Variants in MYO5B observed in about 807,000 individuals in gnomAD.
MYO5B encodes myosin VB.
A neutral mutation model predicts 229.3 loss-of-function variants in MYO5B; 143 were observed. The ratio of observed to expected loss-of-function variants is 0.62; its 90% CI spans 0.54 to 0.72. MYO5B has a LOEUF of 0.72. MYO5B is among the 30% of genes least tolerant of loss of function. MYO5B has a pLI of 0.00. For synonymous variants in MYO5B, 918 were observed against 885.2 expected (o/e 1.04, Z -0.66); for missense variants, 2,321 against 2,331.0 (o/e 1.00, Z 0.09).
At chr18:50,046,324 C>T (rs908111895) in intron 2 of MYO5B, among the ~76,000 whole-genome samples, 3 of 152,178 alleles carry the variant, frequency 2.0e-5, no homozygotes, top group Non-Finnish European at 2.9e-5. Context: ...GAAACCTAGG[C>T]TTTGCCTTTT....
intron 5 of MYO5B, among the ~76,000 whole-genome samples, chr18:49,996,328 A>T (rs2025986676): frequency 6.6e-6 from 1 of 152,224 alleles, no homozygotes; most frequent in Non-Finnish European, 1.5e-5. Flanking sequence ...TCTAGGTGTT[A>T]CTTAGAGAAA....
intron 22 of MYO5B, among the ~76,000 whole-genome samples, chr18:49,888,548 T>C (rs895528217): frequency 6.6e-6 from 1 of 152,124 alleles, no homozygotes; most frequent in South Asian, 2.1e-4. Flanking sequence ...GAGTTCTACG[T>C]TGCCAAAACG....
chr18:50,078,481 G>A (rs1349209192), intron 1 of MYO5B, among the ~76,000 whole-genome samples: 2 of 152,074 alleles, frequency 1.3e-5, no homozygotes, highest in East Asian at 3.8e-4. Context: ...TAATGAACAT[G>A]AATTTGTAAA....
At chr18:50,042,874 CCT>C (rs1438185023) in intron 2 of MYO5B, among the ~76,000 whole-genome samples, 1 of 152,118 alleles carries the variant, frequency 6.6e-6, no homozygotes, top group Admixed American at 6.6e-5. Flanking sequence ...CCTGAGTACT[CCT>C]CTTTCAGATT....
At chr18:49,908,878 G>A (rs1462132870) in intron 18 of MYO5B, among the ~76,000 whole-genome samples, 4 of 152,172 alleles carry the variant, frequency 2.6e-5, no homozygotes, top group East Asian at 3.8e-4. Context: ...AAGAATGATA[G>A]GGGCTATTCC....
At chr18:49,880,055 T>C (rs1200498965) in intron 23 of MYO5B, among the ~76,000 whole-genome samples, 6 of 152,192 alleles carry the variant, frequency 3.9e-5, no homozygotes, top group Admixed American at 1.3e-4. Context: ...TATGTCCATG[T>C]AGTAGATGAA....
rs554646031 is a variant in MYO5B, at chr18:49,999,730, A to G, written c.612+1525T>C. Among the ~76,000 whole-genome samples the G allele has an allele frequency of 3.9e-5, 6 of 152,334 alleles. No individual in the cohort carries two copies. The South Asian group carries it at 8.3e-4, about 21-fold the overall frequency. On this transcript the variant is annotated intron_variant, in intron 5 of 39. Coordinates refer to ENST00000285039, the MANE Select transcript of MYO5B (RefSeq NM_001080467.3). ...CAGTGGTTCTCCAAGTGTGGTACCCAGACGGGCAACACCAGCATCACCTAG... is the reference window on the plus strand; with the variant it reads ...CAGTGGTTCTCCAAGTGTGGTACCCGGACGGGCAACACCAGCATCACCTAG...
chr18:49,997,369 C>CTTTTTTTTTTTTTTTTTTTTTTTTTTTT (rs34011258), intron 5 of MYO5B, among the ~76,000 whole-genome samples: 4 of 60,354 alleles, frequency 6.6e-5, no homozygotes, highest in African/African-American at 2.9e-4. Context: ...TCCTTTCTTT[C>CTTTTTTTTTTTTTTTTTTTTTTTTTTTT]TTTTTTTTTT....
chr18:49,899,756 G>A (rs756851416), intron 21 of MYO5B, among the ~76,000 whole-genome samples: 3 of 152,186 alleles, frequency 2.0e-5, no homozygotes, highest in East Asian at 1.9e-4. Flanking sequence ...AGAGCACAGC[G>A]TGCCTAGTCA....
At chr18:49,968,569 T>C (rs185669558) in intron 10 of MYO5B, among the ~76,000 whole-genome samples, 34 of 152,198 alleles carry the variant, frequency 2.2e-4, no homozygotes, top group Non-Finnish European at 3.4e-4. Flanking sequence ...ATCACGGAGG[T>C]TTGGGGAGTT....
intron 1 of MYO5B, among the ~76,000 whole-genome samples, chr18:50,146,164 A>C (rs2032499202): frequency 6.6e-6 from 1 of 152,218 alleles, no homozygotes; most frequent in African/African-American, 2.4e-5. Context: ...AACCCCTAGC[A>C]GGTTGATGGG....
intron 14 of MYO5B, among the ~76,000 whole-genome samples, chr18:49,939,291 G>A (rs923412671): frequency 7.3e-5 from 11 of 151,708 alleles, no homozygotes; most frequent in African/African-American, 2.2e-4. Context: ...GACTGCAGGC[G>A]TGCACTACCA....
At chr18:49,864,962 A>G (rs574150308) in intron 27 of MYO5B, among the ~76,000 whole-genome samples, 2 of 152,300 alleles carry the variant, frequency 1.3e-5, no homozygotes, top group South Asian at 2.1e-4. Flanking sequence ...ATACCTACAT[A>G]CAGAATTGAA....
intron 1 of MYO5B, among the ~76,000 whole-genome samples, chr18:50,114,210 TAAA>T (rs1378619138): frequency 1.3e-5 from 2 of 152,102 alleles, no homozygotes; most frequent in Non-Finnish European, 2.9e-5. Flanking sequence ...AGAAAAAAAT[TAAA>T]AAAGGTGGTA....
intron 9 of MYO5B, among the ~76,000 whole-genome samples, 196 bp downstream of exon 9, chr18:49,980,248 G>A (rs971597707): frequency 5.9e-5 from 9 of 152,088 alleles, no homozygotes; most frequent in Admixed American, 6.5e-5. Context: ...CCCTGTCCTC[G>A]GCAACAGAAA....
At chr18:50,177,986 C>T (rs550642521) in intron 1 of MYO5B, among the ~76,000 whole-genome samples, 145 of 152,328 alleles carry the variant, frequency 9.5e-4, no homozygotes, top group Middle Eastern at 3.4e-3. Flanking sequence ...ATACACTACT[C>T]CTGAATAGCA....
intron 1 of MYO5B, among the ~76,000 whole-genome samples, chr18:50,062,205 C>A (rs551792950): frequency 6.6e-6 from 1 of 152,104 alleles, no homozygotes; most frequent in South Asian, 2.1e-4. Context: ...CAACGATACG[C>A]CAAGTTAAGC....
chr18:50,188,040 C>T (rs2033173297), intron 1 of MYO5B, among the ~76,000 whole-genome samples: 1 of 152,156 alleles, frequency 6.6e-6, no homozygotes, highest in East Asian at 1.9e-4. Context: ...AATAATTGCA[C>T]TATGGTTATA....
rs74633920 is a variant in MYO5B at position 50,182,288 on chromosome 18, A to G, written c.27+12479T>C. Among the ~76,000 whole-genome samples, 534 of 152,318 alleles carry G rather than the reference A, an allele frequency of 3.5e-3. 13 individuals carry two copies. The East Asian group carries it at 0.065, about 19-fold the overall frequency. On this transcript the variant is annotated intron_variant, in intron 1 of 39. Transcript: ENST00000285039. ...GAAAGCCACTGGCTTTGCTACATCTAACAGGACAGGTGGATATCCATACAT... is the reference window on the plus strand; with the variant it reads ...GAAAGCCACTGGCTTTGCTACATCTGACAGGACAGGTGGATATCCATACAT...
Sources: gnomAD v4.1 joint callset for allele counts (sites outside exome capture counted in the v4.1 genomes callset) on GRCh38, gnomAD v4.1.1 for gene constraint, MANE v1.5 for transcripts, NCBI Gene and HGNC (gene_info 2026-07-23, HGNC 2026-07-21) for gene names.